TLL2: variants seen among roughly 807,000 people sequenced by gnomAD.
TLL2 encodes the protein tolloid-like protein 2.
In TLL2, 106 loss-of-function variants were observed where a neutral mutation model predicts 123.0. The ratio of observed to expected loss-of-function variants is 0.86; its 90% CI spans 0.74 to 1.01. TLL2 has a LOEUF of 1.01. Among genes scored for constraint, TLL2 ranks in the 50% least tolerant of loss-of-function variants. The pLI, the probability that TLL2 is intolerant of heterozygous loss-of-function variation, is 0.00. For synonymous variants in TLL2, 494 were observed against 516.8 expected (o/e 0.96, Z 0.60); for missense variants, 1,332 against 1,336.7 (o/e 1.00, Z 0.06).
intron 16 of TLL2, 135 bp from the exon 17 acceptor site, chr10:96,379,227 TC>T: frequency 8.8e-7 from 1 of 1,140,732 alleles, no homozygotes; most frequent in East Asian, 2.4e-5. Flanking sequence ...GATTGTTCCC[TC>T]ACTGGAGGAG....
intron 8 of TLL2, among the ~76,000 whole-genome samples, chr10:96,410,815 T>C (rs1291571881): frequency 6.6e-6 from 1 of 152,196 alleles, no homozygotes; most frequent in Non-Finnish European, 1.5e-5. Flanking sequence ...GGGCAGGACC[T>C]ACCTGAGAGG....
At chr10:96,474,446 A>T (rs1340699504) in intron 2 of TLL2, among the ~76,000 whole-genome samples, 1 of 152,238 alleles carries the variant, frequency 6.6e-6, no homozygotes, top group African/African-American at 2.4e-5. Flanking sequence ...TGAATGGGTC[A>T]TCCAACCTTT....
chr10:96,494,286 C>T (rs1303419458), intron 1 of TLL2, among the ~76,000 whole-genome samples: 3 of 152,194 alleles, frequency 2.0e-5, no homozygotes, highest in Non-Finnish European at 4.4e-5. Context: ...CAGGCAGCAG[C>T]CAGCCAGTCA....
In TLL2 at chr10:96,377,669, C is replaced by G. The variant is rs557920204; in HGVS notation, c.2321-850G>C. 1.7e-4 allele frequency among the ~76,000 whole-genome samples: 26 copies of G among 152,306 alleles called. No individual in the cohort carries two copies. The Middle Eastern group carries it at 0.017, about 100-fold the overall frequency. ...GGACTGTATCACAAACACGGAGGCT[C>G]CACACTGAAGAAGCTGGAGAGGCAG... On this transcript the variant is annotated intron_variant, in intron 17 of 20. Transcript: ENST00000357947.
chr10:96,401,514 A>ACACACACACG (rs1846394479), intron 10 of TLL2, among the ~76,000 whole-genome samples: 1 of 151,640 alleles, frequency 6.6e-6, no homozygotes, highest in Non-Finnish European at 1.5e-5. Flanking sequence ...ACACACACAC[A>ACACACACACG]CACACACACA....
Position 96,395,952 on chromosome 10 carries a change from T to G in TLL2, c.1453A>C (p.Arg485=). ...IQSPNYPDDY[R]PSKECVWRIT... is the part of the protein sequence containing the mutation. ...CTCCAGACACATTCCTTGGAAGGTC[T>G]GTAGTCATCCGGATAGTTGGGAGAT... The change falls in exon 12 of 21, where the codon AGA becomes CGA. Residue 485 remains arginine (R), a synonymous_variant. Coordinates refer to ENST00000357947, the MANE Select transcript of TLL2 (RefSeq NM_012465.4). 6.2e-7 allele frequency: 1 copy of G among 1,614,230 alleles called. No individual in the cohort carries two copies. Among genetic ancestry groups the G allele is most frequent in the Non-Finnish European group, 8.5e-7 (1 of 1,180,050 alleles).
intron 17 of TLL2, 51 bp from the exon 18 acceptor site, chr10:96,376,870 C>G: frequency 2.7e-6 from 4 of 1,472,640 alleles, no homozygotes; most frequent in Non-Finnish European, 3.6e-6. Flanking sequence ...TCACTGTGGG[C>G]AGCACAAGAA....
intron 2 of TLL2, among the ~76,000 whole-genome samples, chr10:96,465,697 G>A (rs1029955975): frequency 5.3e-5 from 8 of 152,222 alleles, no homozygotes; most frequent in African/African-American, 1.4e-4. Context: ...CACTGGCCCC[G>A]TATGCATGCT....
intron 1 of TLL2, among the ~76,000 whole-genome samples, chr10:96,511,827 C>G (rs560351212): frequency 1.3e-5 from 2 of 152,246 alleles, no homozygotes; most frequent in Non-Finnish European, 2.9e-5. Flanking sequence ...TCACACCCAG[C>G]AGGGTCTAGG....
At position 96,413,214 on chromosome 10, in the gene TLL2, G is replaced by C; in HGVS notation, c.1026C>G (p.Ala342=). The C allele has an allele frequency of 6.2e-7, 1 of 1,614,150 alleles. No individual in the cohort carries two copies. Among genetic ancestry groups the C allele is most frequent in the Non-Finnish European group, 8.5e-7 (1 of 1,179,986 alleles). The change falls in exon 8 of 21, where the codon GCC becomes GCG. Residue 342 remains alanine (A), a synonymous_variant. Coordinates refer to ENST00000357947, the MANE Select transcript of TLL2 (RefSeq NM_012465.4). ...VRLSQGDIAQ[A]RKLYKCPACG... The stretch of plus-strand genomic sequence containing the variant: ...TACCTGGGCATTTGTACAGCTTCCG[G>C]GCTTGAGCTATGTCTCCCTGACTGA...
chr10:96,473,539 AC>A (rs1847205408), intron 2 of TLL2, among the ~76,000 whole-genome samples: 1 of 152,220 alleles, frequency 6.6e-6, no homozygotes, highest in South Asian at 2.1e-4. Flanking sequence ...ATTATTTTAA[AC>A]CCAATACCTA....
intron 13 of TLL2, among the ~76,000 whole-genome samples, chr10:96,390,609 T>C (rs1034279387): frequency 3.9e-5 from 6 of 152,394 alleles, no homozygotes; most frequent in Admixed American, 3.9e-4. Flanking sequence ...AGAGCTTCTT[T>C]GGCTTGCTCC....
At chr10:96,378,129 G>A (rs950086995) in intron 17 of TLL2, among the ~76,000 whole-genome samples, 5 of 152,252 alleles carry the variant, frequency 3.3e-5, no homozygotes, top group Non-Finnish European at 5.9e-5. Flanking sequence ...ATGTGTCAGC[G>A]CCTCCTTTAA....
At chr10:96,382,438 CAA>C (rs36120235) in intron 16 of TLL2, among the ~76,000 whole-genome samples, 56,934 of 151,972 alleles carry the variant, frequency 0.37, 12,331 homozygotes, top group Non-Finnish European at 0.49. Context: ...CCCCTGGTGA[CAA>C]GAGCCCTAAT....
At position 96,366,895 on chromosome 10, in the gene TLL2, T is replaced by C. The variant is rs999212403; in HGVS notation, c.*1193A>G. On this transcript the variant is annotated 3_prime_UTR_variant, in exon 21 of 21. Coordinates refer to ENST00000357947, the MANE Select transcript of TLL2 (RefSeq NM_012465.4). ...CAAAACTACCTCACTGTTTAAATTA[T>C]ACCTTGAGGTGCTAAAATTATGTAA... 6.5e-6 allele frequency: 1 copy of C among 152,690 alleles called. No homozygotes were observed. The highest frequency in any genetic ancestry group is 2.4e-5 in the African/African-American group (1 of 41,478). The allele number at this position is 152,690 out of a possible 1,614,324, so 9.5% of individuals were successfully genotyped here. A position where few individuals can be genotyped will look rare whatever the true frequency, so the allele number is the denominator to read the frequency against.
intron 15 of TLL2, 54 bp downstream of exon 15, chr10:96,386,001 G>T (rs986968047): frequency 5.5e-6 from 8 of 1,452,878 alleles, no homozygotes; most frequent in Non-Finnish European, 7.3e-6. Flanking sequence ...CTGGTTTCCA[G>T]CTCTGAGTCA....
chr10:96,457,292 G>C (rs1007099196), intron 2 of TLL2, among the ~76,000 whole-genome samples: 3 of 152,124 alleles, frequency 2.0e-5, no homozygotes, highest in Non-Finnish European at 4.4e-5. Flanking sequence ...CCAGGCCCCA[G>C]CCTGCTGCAC....
intron 17 of TLL2, 31 bp downstream of exon 17, chr10:96,378,935 CG>C: frequency 6.2e-7 from 1 of 1,611,420 alleles, no homozygotes; most frequent in Admixed American, 1.7e-5. Flanking sequence ...AAGGGCAGCC[CG>C]CCCCCCCAAC....
At chr10:96,384,088 C>T (rs1013988977) in intron 16 of TLL2, among the ~76,000 whole-genome samples, 1 of 152,080 alleles carries the variant, frequency 6.6e-6, no homozygotes, top group Non-Finnish European at 1.5e-5. Flanking sequence ...GATTTAGGAT[C>T]AACCCTAAAT....
Sources: allele counts gnomAD v4.1 joint callset (sites outside exome capture counted in the v4.1 genomes callset), GRCh38; gene constraint gnomAD v4.1.1; transcripts MANE v1.5; gene names NCBI Gene and HGNC (gene_info 2026-07-23, HGNC 2026-07-21).